The following PLPPR1 variants were observed in gnomAD, a reference collection of about 807,000 sequenced individuals.
PLPPR1 encodes the protein phospholipid phosphatase-related protein type 1.
Under a neutral mutation model 33.1 loss-of-function variants are expected in PLPPR1, and 10 were observed. That is an observed-to-expected ratio of 0.30 (90% CI 0.19 to 0.51). The LOEUF is 0.51. Ranked by LOEUF, PLPPR1 falls within the 20% of genes least tolerant of loss-of-function variation. The probability of loss-of-function intolerance (pLI) is 0.97; values close to 1 mark genes in which losing one functional copy is unlikely to be tolerated. For missense variants in PLPPR1, 304 were observed against 408.1 expected (o/e 0.74, Z 2.20); for synonymous variants, 151 against 151.0 (o/e 1.00, Z 0.00).
chr9:101,304,753 T>C (rs912874538), intron 4 of PLPPR1, among the ~76,000 whole-genome samples: 3 of 152,162 alleles, frequency 2.0e-5, no homozygotes, highest in Non-Finnish European at 4.4e-5. Context: ...GTCCAGTCCC[T>C]AGTTAGCAGG....
intron 1 of PLPPR1, among the ~76,000 whole-genome samples, chr9:101,168,504 A>T (rs1825893232): frequency 6.6e-6 from 1 of 152,106 alleles, no homozygotes; most frequent in African/African-American, 2.4e-5. Flanking sequence ...TCCATGGAAA[A>T]ATTCTACTTC....
chr9:101,316,193 T>C (rs533629941), intron 6 of PLPPR1, among the ~76,000 whole-genome samples: 20 of 152,052 alleles, frequency 1.3e-4, no homozygotes, highest in Admixed American at 9.8e-4. Context: ...TTCCAGCACT[T>C]TGGGAGGCCG....
At position 101,277,514 on chromosome 9, in the gene PLPPR1, G is replaced by A. The variant is rs1409429191; in HGVS notation, c.252+7446G>A. On this transcript the variant is annotated intron_variant, in intron 3 of 7. Coordinates refer to ENST00000374874, the MANE Select transcript of PLPPR1 (RefSeq NM_207299.2). Reference sequence around the variant, plus strand: ...CAAGAAATCACGCTGGCCTTGGAGAGCTTAACTGACTGAACTGCGATTGAA... The same window carrying A: ...CAAGAAATCACGCTGGCCTTGGAGAACTTAACTGACTGAACTGCGATTGAA... 2.0e-5 allele frequency among the ~76,000 whole-genome samples: 3 copies of A among 152,184 alleles called. No individual in the cohort carries two copies. In the East Asian group the frequency reaches 5.8e-4, roughly 29 times the overall value.
chr9:101,174,629 T>G (rs1354989690), intron 1 of PLPPR1, among the ~76,000 whole-genome samples: 1 of 152,200 alleles, frequency 6.6e-6, no homozygotes, highest in East Asian at 1.9e-4. Context: ...TCATCCATTT[T>G]CTGTACCACA....
intron 1 of PLPPR1, among the ~76,000 whole-genome samples, chr9:101,093,316 C>G (rs541962425): frequency 2.0e-5 from 3 of 152,152 alleles, no homozygotes; most frequent in Non-Finnish European, 4.4e-5. Flanking sequence ...AGGCTGCCAC[C>G]AAGCCCATGT....
chr9:101,148,681 A>G (rs1157779515), intron 1 of PLPPR1, among the ~76,000 whole-genome samples: 2 of 152,064 alleles, frequency 1.3e-5, no homozygotes, highest in Non-Finnish European at 2.9e-5. Context: ...GTCTTGCTGT[A>G]TGTTCACTTG....
intron 1 of PLPPR1, among the ~76,000 whole-genome samples, chr9:101,067,612 C>A (rs578010674): frequency 1.3e-5 from 2 of 152,110 alleles, no homozygotes; most frequent in Admixed American, 1.3e-4. Context: ...TTTTATTCTG[C>A]CGAGAGAGGT....
At chr9:101,236,536 TCA>T (rs60508436) in intron 2 of PLPPR1, among the ~76,000 whole-genome samples, 120 of 148,570 alleles carry the variant, frequency 8.1e-4, no homozygotes, top group Middle Eastern at 6.8e-3. Context: ...CTCTCTAAAC[TCA>T]CACACACACA....
chr9:101,224,452 C>T (rs565674564), intron 2 of PLPPR1, among the ~76,000 whole-genome samples: 6 of 152,162 alleles, frequency 3.9e-5, no homozygotes, highest in Non-Finnish European at 8.8e-5. Context: ...CGGCTGCTGT[C>T]ATTGAGTCTT....
chr9:101,065,824 A>G (rs1249397955), intron 1 of PLPPR1, among the ~76,000 whole-genome samples: 2 of 152,090 alleles, frequency 1.3e-5, no homozygotes, highest in Non-Finnish European at 2.9e-5. Context: ...ACTTAAAAAA[A>G]ACTTTTTATT....
Position 101,320,056 on chromosome 9 carries a change from T to C in PLPPR1, c.945+2560T>C, listed in dbSNP as rs559372713. ...ATGTCCAGACTCTATTTTGAGGGAT[T>C]CTACTTAAATTGAAAAATGAAGTGC... On this transcript the variant is annotated intron_variant, in intron 7 of 7. Coordinates refer to ENST00000374874, the MANE Select transcript of PLPPR1 (RefSeq NM_207299.2). 9.2e-5 allele frequency among the ~76,000 whole-genome samples: 14 copies of C among 152,334 alleles called. No individual in the cohort carries two copies. The East Asian group carries it at 2.5e-3, about 27-fold the overall frequency.
chr9:101,275,052 TTAAG>T lies in PLPPR1; in HGVS notation c.252+4986_252+4989del, dbSNP rs147142080. 6.7e-3 allele frequency among the ~76,000 whole-genome samples: 1,027 copies of T among 152,336 alleles called. 11 individuals are homozygous for T. The highest frequency in any genetic ancestry group is 0.024 in the African/African-American group (982 of 41,576). On this transcript the variant is annotated intron_variant, in intron 3 of 7. Transcript: ENST00000374874. Reference sequence around the variant, plus strand: ...TTTGATTTTGCACCTCTGTGCCGGATTAAGTGTTTCACAGAACTGCACAGTTGTT... The same window carrying T: ...TTTGATTTTGCACCTCTGTGCCGGATTGTTTCACAGAACTGCACAGTTGTT...
rs1345671136 is a variant in PLPPR1 at position 101,264,663 on chromosome 9, CTGAT to C, written c.64-5213_64-5210del. On this transcript the variant is annotated intron_variant, in intron 2 of 7. Transcript: ENST00000374874. ...CAGAGGCAGCTCACAAGAAGAGTTGCTGATTGACTAGCTTTGATAGCTCATGGCC... is the reference window on the plus strand; with the variant it reads ...CAGAGGCAGCTCACAAGAAGAGTTGCTGACTAGCTTTGATAGCTCATGGCC... Among the ~76,000 whole-genome samples, 3 of 152,334 alleles carry C rather than the reference CTGAT, an allele frequency of 2.0e-5. No homozygotes were observed. In the South Asian group the frequency reaches 6.2e-4, roughly 32 times the overall value.
chr9:101,310,948 A>C (rs769687517), intron 5 of PLPPR1, among the ~76,000 whole-genome samples: 31 of 152,238 alleles, frequency 2.0e-4, no homozygotes, highest in Admixed American at 6.5e-4. Context: ...TATCAAAAAC[A>C]AAACCAAACC....
intron 2 of PLPPR1, among the ~76,000 whole-genome samples, chr9:101,223,068 T>A (rs1826981760): frequency 6.8e-6 from 1 of 147,068 alleles, no homozygotes; most frequent in African/African-American, 2.5e-5. Flanking sequence ...ATCCCTGTGC[T>A]GTGGGAGACT....
intron 2 of PLPPR1, among the ~76,000 whole-genome samples, chr9:101,260,681 C>G (rs752299132): frequency 6.6e-6 from 1 of 151,992 alleles, no homozygotes; most frequent in African/African-American, 2.4e-5. Flanking sequence ...TTTGGAGTAC[C>G]TATGGAACAC....
intron 1 of PLPPR1, among the ~76,000 whole-genome samples, chr9:101,099,839 G>T (rs769627759): frequency 4.6e-5 from 7 of 152,076 alleles, no homozygotes; most frequent in Non-Finnish European, 1.0e-4. Context: ...TCACCAGAAA[G>T]TGCCCTTCTT....
chr9:101,084,599 T>C (rs1276218244), intron 1 of PLPPR1, among the ~76,000 whole-genome samples: 3 of 152,014 alleles, frequency 2.0e-5, no homozygotes, highest in African/African-American at 7.2e-5. Flanking sequence ...ATAGAGGGAG[T>C]CATGCTTTTC....
intron 2 of PLPPR1, among the ~76,000 whole-genome samples, chr9:101,240,688 A>G (rs945036755): frequency 3.9e-5 from 6 of 152,012 alleles, no homozygotes; most frequent in African/African-American, 1.2e-4. Context: ...TAGCCCACAT[A>G]TTTTTAAGCA....
Sources: allele counts gnomAD v4.1 joint callset (sites outside exome capture counted in the v4.1 genomes callset), GRCh38; gene constraint gnomAD v4.1.1; transcripts MANE v1.5; gene names NCBI Gene and HGNC (gene_info 2026-07-23, HGNC 2026-07-21).